Variants in ATG5 observed in about 807,000 individuals in gnomAD.
ATG5 encodes the protein autophagy protein 5.
Under a neutral mutation model 36.5 loss-of-function variants are expected in ATG5, and 14 were observed. The ratio of observed to expected loss-of-function variants is 0.38; its 90% CI spans 0.25 to 0.60. The LOEUF is 0.60. Among genes scored for constraint, ATG5 ranks in the 20% least tolerant of loss-of-function variants. The pLI, the probability that ATG5 is intolerant of heterozygous loss-of-function variation, is 0.60. For missense variants in ATG5, 195 were observed against 326.7 expected, an observed-to-expected ratio of 0.60 and a Z score of 3.11; for synonymous variants, 95 against 101.5, an observed-to-expected ratio of 0.94 and a Z score of 0.38.
intron 1 of ATG5, among the ~76,000 whole-genome samples, chr6:106,321,207 T>G (rs945345344): frequency 6.6e-6 from 1 of 152,164 alleles, no homozygotes; most frequent in African/African-American, 2.4e-5. Context: ...AATTATAATT[T>G]TCACAGGGCT....
At chr6:106,214,744 G>A (rs527875685) in intron 6 of ATG5, among the ~76,000 whole-genome samples, 2 of 152,234 alleles carry the variant, frequency 1.3e-5, no homozygotes, top group South Asian at 2.1e-4. Flanking sequence ...ACTGAATAAC[G>A]TGTGGTACAG....
chr6:106,278,971 T>C (rs1779769014), intron 5 of ATG5, among the ~76,000 whole-genome samples: 3 of 152,186 alleles, frequency 2.0e-5, no homozygotes, highest in African/African-American at 7.2e-5. Flanking sequence ...ACCACAGTAA[T>C]TGAAATTTGA....
chr6:106,230,009 G>A (rs1400754413), intron 6 of ATG5, among the ~76,000 whole-genome samples: 1 of 152,098 alleles, frequency 6.6e-6, no homozygotes, highest in Admixed American at 6.5e-5. Flanking sequence ...TCCTTACAGG[G>A]GATTTAAATC....
At chr6:106,322,637 AAC>A (rs1771131149) in intron 1 of ATG5, among the ~76,000 whole-genome samples, 1 of 152,204 alleles carries the variant, frequency 6.6e-6, no homozygotes, top group African/African-American at 2.4e-5. Flanking sequence ...AATTTTACTC[AAC>A]AGTCCCACCC....
intron 2 of ATG5, among the ~76,000 whole-genome samples, chr6:106,311,977 T>C (rs1285532270): frequency 6.6e-6 from 1 of 152,000 alleles, no homozygotes; most frequent in Non-Finnish European, 1.5e-5. Context: ...ATTACAGGTG[T>C]CCACCACCAC....
intron 6 of ATG5, among the ~76,000 whole-genome samples, chr6:106,214,352 G>C (rs896328344): frequency 6.6e-6 from 1 of 152,102 alleles, no homozygotes; most frequent in African/African-American, 2.4e-5. Context: ...GCACTTATCA[G>C]ACTACTTTTA....
intron 5 of ATG5, among the ~76,000 whole-genome samples, chr6:106,269,180 A>G (rs1229645863): frequency 6.6e-6 from 1 of 152,112 alleles, no homozygotes; most frequent in East Asian, 1.9e-4. Flanking sequence ...CCACCAGAGT[A>G]GCTAGTTACA....
chr6:106,221,193 A>AGTTTT (rs2114427544), intron 6 of ATG5, among the ~76,000 whole-genome samples: 1 of 152,342 alleles, frequency 6.6e-6, no homozygotes, highest in African/African-American at 2.4e-5. Context: ...TTCTAACATC[A>AGTTTT]ACTGTAATCT....
At chr6:106,276,962 G>A (rs1423901479) in intron 5 of ATG5, among the ~76,000 whole-genome samples, 1 of 152,154 alleles carries the variant, frequency 6.6e-6, no homozygotes, top group Non-Finnish European at 1.5e-5. Flanking sequence ...ACTTTGCAAA[G>A]CTTATAACCT....
intron 6 of ATG5, among the ~76,000 whole-genome samples, chr6:106,204,650 T>C (rs893035994): frequency 6.6e-6 from 1 of 152,178 alleles, no homozygotes; most frequent in Non-Finnish European, 1.5e-5. Flanking sequence ...TGAATTCTCA[T>C]GAGATCTGAT....
intron 5 of ATG5, among the ~76,000 whole-genome samples, chr6:106,250,544 ATAC>A (rs1328658005): frequency 6.6e-6 from 1 of 152,258 alleles, no homozygotes; most frequent in Non-Finnish European, 1.5e-5. Context: ...AATGTGAAGA[ATAC>A]TACTTTGACA....
chr6:106,283,596 G>C (rs1231932687), intron 4 of ATG5: 4 of 152,076 alleles, frequency 2.6e-5, no homozygotes, highest in African/African-American at 7.2e-5. Flanking sequence ...GCTGAACTTA[G>C]TGTGGAAATT....
At chr6:106,276,464 C>CAAAA (rs35078793) in intron 5 of ATG5, among the ~76,000 whole-genome samples, 8,767 of 109,054 alleles carry the variant, frequency 0.08, 496 homozygotes, top group Admixed American at 0.22. Flanking sequence ...ACTCTGTCTC[C>CAAAA]AAAAAAAAAA....
rs575715494 is a variant in ATG5 at position 106,189,731 on chromosome 6, T to C, written c.692-3055A>G. On this transcript the variant is annotated intron_variant, in intron 7 of 7. Transcript: ENST00000369076. ...CTGTTAAAGTAAACAATATTTTTGG[T>C]AAACATGTCTTTTTGTTTCAAAATG... 3.3e-5 allele frequency among the ~76,000 whole-genome samples: 5 copies of C among 151,968 alleles called. No homozygotes were observed. The East Asian group carries it at 9.7e-4, about 29-fold the overall frequency.
At chr6:106,275,679 G>GC (rs1251731639) in intron 5 of ATG5, among the ~76,000 whole-genome samples, 5 of 152,160 alleles carry the variant, frequency 3.3e-5, no homozygotes, top group African/African-American at 1.2e-4. Context: ...GTAATTTTAT[G>GC]CCCCAAAAAA....
At chr6:106,220,756 G>C (rs1356907015) in intron 6 of ATG5, among the ~76,000 whole-genome samples, 1 of 152,106 alleles carries the variant, frequency 6.6e-6, no homozygotes, top group South Asian at 2.1e-4. Context: ...AATCACTTAT[G>C]AGAAGAACAG....
intron 3 of ATG5, among the ~76,000 whole-genome samples, chr6:106,297,755 CACACACACACATAT>C (rs1320586071): frequency 1.5e-5 from 2 of 130,382 alleles, no homozygotes; most frequent in Admixed American, 7.6e-5. Context: ...CACACACACA[CACACACACACATAT>C]ATATTTTAAA....
intron 6 of ATG5, among the ~76,000 whole-genome samples, chr6:106,204,618 ATGT>A (rs755808732): frequency 5.9e-5 from 9 of 152,020 alleles, no homozygotes; most frequent in Non-Finnish European, 1.3e-4. Flanking sequence ...GGTTTTCCTC[ATGT>A]TGTTCTCGTG....
At position 106,278,318 on chromosome 6, in the gene ATG5, T is replaced by C. The variant is rs972833467; in HGVS notation, c.478+1343A>G. On this transcript the variant is annotated intron_variant, in intron 5 of 7. Transcript: ENST00000369076. ...GCTTGCTTTCTCAACATATAACTTA[T>C]GGGCAAGCATCTTTCCCATGCCTTG... Among the ~76,000 whole-genome samples the C allele has an allele frequency of 2.6e-5, 4 of 152,248 alleles. No individual in the cohort carries two copies. The East Asian group carries it at 5.8e-4, about 22-fold the overall frequency.
Sources: allele counts gnomAD v4.1 joint callset (sites outside exome capture counted in the v4.1 genomes callset), GRCh38; gene constraint gnomAD v4.1.1; transcripts MANE v1.5; gene names NCBI Gene and HGNC (gene_info 2026-07-23, HGNC 2026-07-21).